The following SHC3 variants were observed in gnomAD, a reference collection of about 807,000 sequenced individuals.
The protein encoded by SHC3 is SHC adaptor protein 3.
A neutral mutation model predicts 60.4 loss-of-function variants in SHC3; 15 were observed. That is an observed-to-expected ratio of 0.25 (90% CI 0.17 to 0.38). The LOEUF is 0.38. SHC3 is among the 10% of genes least tolerant of loss of function. The pLI is 1.00. For synonymous variants in SHC3, 294 were observed against 325.9 expected (o/e 0.90, Z 1.05); for missense variants, 677 against 786.1 (o/e 0.86, Z 1.66).
chr9:89,139,580 T>A (rs575712124), intron 1 of SHC3, among the ~76,000 whole-genome samples: 1 of 152,318 alleles, frequency 6.6e-6, no homozygotes, highest in African/African-American at 2.4e-5. Flanking sequence ...CCTTTTGAAA[T>A]CCCAAGATAA....
At chr9:89,130,795 A>G (rs983932303) in intron 1 of SHC3, among the ~76,000 whole-genome samples, 19 of 152,198 alleles carry the variant, frequency 1.2e-4, no homozygotes, top group African/African-American at 4.3e-4. Context: ...AATGCCCACA[A>G]GAGAAAGCAG....
intron 4 of SHC3, among the ~76,000 whole-genome samples, chr9:89,074,332 G>C (rs954901600): frequency 6.6e-6 from 1 of 152,144 alleles, no homozygotes; most frequent in Non-Finnish European, 1.5e-5. Context: ...CTGAGCCGGG[G>C]CACAGCAAGG....
chr9:89,140,347 AT>A (rs1333213977), intron 1 of SHC3, among the ~76,000 whole-genome samples: 1 of 151,906 alleles, frequency 6.6e-6, no homozygotes, highest in Admixed American at 6.6e-5. Flanking sequence ...CCCCCCCCAG[AT>A]TAAGGGTCCT....
At position 89,165,828 on chromosome 9, in the gene SHC3, G is replaced by GAC. The variant is rs561044059; in HGVS notation, c.474+12157_474+12158dup. Among the ~76,000 whole-genome samples, 467 of 152,310 alleles carry GAC rather than the reference G, an allele frequency of 3.1e-3. 4 individuals carry two copies. The highest frequency in any genetic ancestry group is 9.8e-3 in the African/African-American group (408 of 41,566). On this transcript the variant is annotated intron_variant, in intron 1 of 11. Coordinates refer to ENST00000375835, the MANE Select transcript of SHC3 (RefSeq NM_016848.6). ...TGGGCAGGTTGCACCACCAGTTAGCGACACAGACCTGGGTAGATGTTTCAG... is the reference window on the plus strand; with the variant it reads ...TGGGCAGGTTGCACCACCAGTTAGCGACACACAGACCTGGGTAGATGTTTCAG...
At chr9:89,142,998 C>A (rs970265758) in intron 1 of SHC3, among the ~76,000 whole-genome samples, 2 of 152,034 alleles carry the variant, frequency 1.3e-5, no homozygotes, top group Non-Finnish European at 2.9e-5. Context: ...GGGTCCTGAT[C>A]CAGACTCAAG....
At chr9:89,100,593 C>A (rs1587727057) in intron 2 of SHC3, among the ~76,000 whole-genome samples, 1 of 152,096 alleles carries the variant, frequency 6.6e-6, no homozygotes, top group Non-Finnish European at 1.5e-5. Context: ...TAGAATAGTT[C>A]TTTTATCCCC....
intron 1 of SHC3, among the ~76,000 whole-genome samples, chr9:89,162,691 T>TG (rs1826727253): frequency 6.7e-6 from 1 of 150,314 alleles, no homozygotes; most frequent in Non-Finnish European, 1.5e-5. Flanking sequence ...GGTCAAGGAC[T>TG]TCATGTCTAA....
intron 2 of SHC3, among the ~76,000 whole-genome samples, chr9:89,098,225 T>C (rs1360494410): frequency 6.6e-6 from 1 of 152,154 alleles, no homozygotes. Context: ...TAAAGAACTA[T>C]TCCAGATTCA....
intron 1 of SHC3, among the ~76,000 whole-genome samples, chr9:89,146,814 G>C (rs1826476132): frequency 6.6e-6 from 1 of 152,208 alleles, no homozygotes; most frequent in African/African-American, 2.4e-5. Flanking sequence ...TGAGGATGTG[G>C]AGTAATAGGA....
chr9:89,136,360 C>A (rs900565303), intron 1 of SHC3, among the ~76,000 whole-genome samples: 7 of 152,118 alleles, frequency 4.6e-5, no homozygotes, highest in Non-Finnish European at 1.0e-4. Flanking sequence ...AGGAGGTCAG[C>A]ACAAAATACA....
intron 1 of SHC3, among the ~76,000 whole-genome samples, chr9:89,116,042 GA>G (rs1826014362): frequency 6.6e-6 from 1 of 152,140 alleles, no homozygotes; most frequent in Admixed American, 6.5e-5. Flanking sequence ...ATCAGCAGCA[GA>G]ACCATAGCAC....
chr9:89,096,417 T>C (rs1825701893), intron 2 of SHC3, among the ~76,000 whole-genome samples: 1 of 152,162 alleles, frequency 6.6e-6, no homozygotes, highest in Non-Finnish European at 1.5e-5. Flanking sequence ...GCAAATGGAT[T>C]GGAGGGGTAG....
At chr9:89,101,751 G>A (rs1825785922) in intron 2 of SHC3, among the ~76,000 whole-genome samples, 1 of 151,600 alleles carries the variant, frequency 6.6e-6, no homozygotes, top group African/African-American at 2.4e-5. Context: ...GATCCAATTT[G>A]TTTATATGTT....
intron 1 of SHC3, among the ~76,000 whole-genome samples, chr9:89,159,186 A>G (rs1826669179): frequency 6.6e-6 from 1 of 152,070 alleles, no homozygotes; most frequent in Non-Finnish European, 1.5e-5. Context: ...AGATTAAATT[A>G]TCTCTTAGTC....
Position 89,149,458 on chromosome 9 carries a change from G to A in SHC3, c.474+28529C>T, listed in dbSNP as rs564969650. Among the ~76,000 whole-genome samples, 4 of 152,186 alleles carry A rather than the reference G, an allele frequency of 2.6e-5. No individual in the cohort carries two copies. In the South Asian group the frequency reaches 8.3e-4, roughly 32 times the overall value. On this transcript the variant is annotated intron_variant, in intron 1 of 11. Coordinates refer to ENST00000375835, the MANE Select transcript of SHC3 (RefSeq NM_016848.6). ...AGGGAAATAATCAAAAATGCATGAA[G>A]AAGAGGCATGATCAATCTCTCTGCA...
intron 11 of SHC3, among the ~76,000 whole-genome samples, chr9:89,024,391 C>G (rs1359272260): frequency 1.3e-5 from 2 of 152,208 alleles, no homozygotes; most frequent in African/African-American, 4.8e-5. Flanking sequence ...CATCCTCCTG[C>G]CTCAGCCTCC....
chr9:89,038,342 TAAAAAAA>T, intron 10 of SHC3, 54 bp from the exon 11 acceptor site: 15 of 1,230,956 alleles, frequency 1.2e-5, no homozygotes, highest in Non-Finnish European at 1.3e-5. Flanking sequence ...GAGCAAATGA[TAAAAAAA>T]AAAAAAAAAA....
At position 89,178,290 on chromosome 9, in the gene SHC3, G is replaced by A. The variant is rs754314850; in HGVS notation, c.171C>T (p.Pro57=). 6.4e-7 allele frequency: 1 copy of A among 1,565,820 alleles called. No homozygotes were observed. The highest frequency in any genetic ancestry group is 1.9e-5 in the Admixed American group (1 of 53,710). ...GGCCCAGGCTGCCGGGCCCATCGTC[G>A]GGCGCCTTGCGCAGCGCCTCGCCGG... is the stretch of plus-strand genomic sequence containing the variant. The part of the protein sequence containing the change: ...LVSGEALRKA[P]DDGPGSLGHL... Residue 57 remains proline (P), a synonymous_variant, in exon 1 of 12, where the codon CCC becomes CCT. Transcript: ENST00000375835. The surrounding 1 kb of genome is among the most constrained non-coding windows in gnomAD (Gnocchi z 6.9).
At chr9:89,063,635 G>A (rs778830996) in intron 6 of SHC3, among the ~76,000 whole-genome samples, 7 of 152,220 alleles carry the variant, frequency 4.6e-5, no homozygotes, top group Non-Finnish European at 1.0e-4. Context: ...GGTCCCAGGT[G>A]TGGAAGCAAA....
Sources: gnomAD v4.1 joint callset for allele counts (sites outside exome capture counted in the v4.1 genomes callset) on GRCh38, gnomAD v4.1.1 for gene constraint, Gnocchi (gnomAD v3.1) non-coding constraint, MANE v1.5 for transcripts, NCBI Gene and HGNC (gene_info 2026-07-23, HGNC 2026-07-21) for gene names.